DPP6: variants seen among roughly 807,000 people sequenced by gnomAD.
The protein encoded by DPP6 is dipeptidyl peptidase like 6.
In DPP6, 69 loss-of-function variants were observed where a neutral mutation model predicts 122.6. The ratio of observed to expected loss-of-function variants is 0.56; its 90% confidence interval spans 0.46 to 0.69. The LOEUF is 0.69. Ranked by LOEUF, DPP6 falls within the 30% of genes least tolerant of loss-of-function variation. The probability of loss-of-function intolerance (pLI) is 0.00; values close to 1 mark genes in which losing one functional copy is unlikely to be tolerated. For missense variants in DPP6, 928 were observed against 1,116.9 expected (o/e 0.83, Z 2.41); for synonymous variants, 418 against 433.1 (o/e 0.97, Z 0.43).
intron 4 of DPP6, among the ~76,000 whole-genome samples, chr7:154,553,775 C>T (rs1413465636): frequency 2.0e-5 from 3 of 152,020 alleles, no homozygotes; most frequent in Non-Finnish European, 4.4e-5. Flanking sequence ...GAAGCCACCG[C>T]TTCAAACACT....
intron 1 of DPP6, among the ~76,000 whole-genome samples, chr7:153,966,987 G>C (rs1217408750): frequency 6.6e-6 from 1 of 150,700 alleles, no homozygotes; most frequent in Non-Finnish European, 1.5e-5. Context: ...AGATCACTGA[G>C]CCCATGGAGG....
At chr7:153,765,561 A>C in the DPP6 span, among the ~76,000 whole-genome samples, 2 of 151,232 alleles carry the variant, frequency 1.3e-5, no homozygotes, top group African/African-American at 2.4e-5. Flanking sequence ...AAAAAAAAAA[A>C]CAGAAAAAAA....
intron 1 of DPP6, among the ~76,000 whole-genome samples, chr7:153,893,821 A>C (rs921244033): frequency 1.3e-5 from 2 of 152,228 alleles, no homozygotes; most frequent in African/African-American, 4.8e-5. Flanking sequence ...TGTGGATTTT[A>C]TTAGGAAAGG....
chr7:154,097,113 C>T (rs948977326), intron 1 of DPP6, among the ~76,000 whole-genome samples: 5 of 152,214 alleles, frequency 3.3e-5, no homozygotes, highest in African/African-American at 1.2e-4. Context: ...TGCTGGCCTC[C>T]TAGCAGTCTC....
chr7:154,343,846 G>T (rs1810149522), intron 1 of DPP6, among the ~76,000 whole-genome samples: 1 of 152,190 alleles, frequency 6.6e-6, no homozygotes, highest in Admixed American at 6.5e-5. Context: ...CTCCCACAGT[G>T]CTGGGATTAC....
At chr7:153,928,396 A>ATGTTTTTTTTTTTTTTTTT (rs1275067491) in intron 1 of DPP6, among the ~76,000 whole-genome samples, 2 of 43,672 alleles carry the variant, frequency 4.6e-5, no homozygotes, top group African/African-American at 1.6e-4. Context: ...CTTTTCTTTC[A>ATGTTTTTTTTTTTTTTTTT]TTTTTTTTTT....
chr7:154,077,820 A>G lies in DPP6; in HGVS notation c.243+24757A>G, dbSNP rs541126578. Among the ~76,000 whole-genome samples, 539 of 151,834 alleles carry G rather than the reference A, an allele frequency of 3.5e-3. 2 individuals carry two copies. Among genetic ancestry groups the G allele is most frequent in the African/African-American group, 0.012 (507 of 41,416 alleles). On this transcript the variant is annotated intron_variant, in intron 1 of 25. Coordinates refer to ENST00000377770, the MANE Select transcript of DPP6 (RefSeq NM_130797.4). ...CGAGTAGCTGAGACTACAGGCACGC[A>G]TCACCATGCCCAGCTAATTTTTGTA...
intron 1 of DPP6, among the ~76,000 whole-genome samples, chr7:153,903,490 G>A (rs1585008427): frequency 6.6e-6 from 1 of 152,184 alleles, no homozygotes; most frequent in African/African-American, 2.4e-5. Context: ...ACTGCCCAGG[G>A]TCACCTAGGT....
At chr7:153,940,988 C>T (rs1801671368) in intron 1 of DPP6, among the ~76,000 whole-genome samples, 1 of 152,132 alleles carries the variant, frequency 6.6e-6, no homozygotes, top group Non-Finnish European at 1.5e-5. Context: ...AGTCTGTTTT[C>T]CAGGAGTGAC....
At chr7:153,962,008 A>C (rs1329405413) in intron 1 of DPP6, among the ~76,000 whole-genome samples, 10 of 148,400 alleles carry the variant, frequency 6.7e-5, no homozygotes, top group Non-Finnish European at 1.5e-5. Context: ...TGATTTGTTT[A>C]CTGTGGGAGC....
intron 5 of DPP6, among the ~76,000 whole-genome samples, chr7:154,623,280 G>A (rs1195632882): frequency 1.3e-5 from 2 of 152,132 alleles, no homozygotes; most frequent in Non-Finnish European, 2.9e-5. Context: ...CTGAAAATAT[G>A]CCCAGGGAAT....
At chr7:153,837,327 T>C in the DPP6 span, among the ~76,000 whole-genome samples, 2 of 152,164 alleles carry the variant, frequency 1.3e-5, no homozygotes, top group African/African-American at 4.8e-5. Flanking sequence ...CAACAATGGG[T>C]CACAAGTATT....
chr7:154,221,668 T>G (rs28638324), intron 1 of DPP6, among the ~76,000 whole-genome samples: 12,222 of 152,224 alleles, frequency 0.08, 1,153 homozygotes, highest in African/African-American at 0.23. Context: ...ATTGAAAATT[T>G]TATTAAAATG....
At chr7:154,060,326 A>AG (rs773849924) in intron 1 of DPP6, among the ~76,000 whole-genome samples, 4 of 110,092 alleles carry the variant, frequency 3.6e-5, no homozygotes, top group East Asian at 5.5e-4. Context: ...CCCCCATCGC[A>AG]GGAGGGGGAG....
At position 154,737,098 on chromosome 7, in the gene DPP6, A is replaced by G. The variant is rs184429544; in HGVS notation, c.883+9211A>G. ...TAGCTCATCAGACTCTAGACCATCT[A>G]AATTCATGCTAAGTCATAGTTCACA... On this transcript the variant is annotated intron_variant, in intron 8 of 25. Coordinates refer to ENST00000377770, the MANE Select transcript of DPP6 (RefSeq NM_130797.4). Among the ~76,000 whole-genome samples, 5 of 152,370 alleles carry G rather than the reference A, an allele frequency of 3.3e-5. No homozygotes were observed. The East Asian group carries it at 9.6e-4, about 29-fold the overall frequency.
chr7:154,784,942 T>C (rs1186577358), intron 10 of DPP6, among the ~76,000 whole-genome samples: 1 of 151,960 alleles, frequency 6.6e-6, no homozygotes, highest in Non-Finnish European at 1.5e-5. Context: ...TAAACTTATT[T>C]CTTGAGGAGC....
intron 7 of DPP6, among the ~76,000 whole-genome samples, chr7:154,687,095 T>TG (rs11422471): frequency 1 from 152,321 of 152,328 alleles, 76,157 homozygotes; most frequent in Non-Finnish European, 1. Context: ...TACATCAACA[T>TG]AGTATAGATA....
chr7:153,988,161 T>G (rs1023501157), intron 1 of DPP6, among the ~76,000 whole-genome samples: 8 of 152,170 alleles, frequency 5.3e-5, no homozygotes, highest in Non-Finnish European at 1.2e-4. Context: ...TTTTTTCCCT[T>G]GACGGAGGAG....
Position 153,975,711 on chromosome 7 carries a change from T to C in DPP6, c.51+87977T>C, listed in dbSNP as rs3980019. ...AAACATGAACTGGAAGTCAAGATAA[T>C]AGTTTTCTTTACATCTTAATTGCAA... On this transcript the variant is annotated intron_variant, in intron 1 of 25. Coordinates refer to the DPP6 transcript ENST00000404039. Among the ~76,000 whole-genome samples, 89 of 152,006 alleles carry C rather than the reference T, an allele frequency of 5.9e-4. 1 individual carries two copies. The highest frequency in any genetic ancestry group is 1.9e-3 in the African/African-American group (79 of 41,330).
Sources: allele counts gnomAD v4.1 joint callset (sites outside exome capture counted in the v4.1 genomes callset), GRCh38; gene constraint gnomAD v4.1.1; transcripts MANE v1.5; gene names NCBI Gene and HGNC (gene_info 2026-07-23, HGNC 2026-07-21).